The following RGL1 variants were observed in gnomAD, a reference collection of about 807,000 sequenced individuals.
RGL1 encodes ral guanine nucleotide dissociation stimulator like 1.
RGL1 carries 24 observed loss-of-function variants against 95.2 expected under a neutral mutation model. The ratio of observed to expected loss-of-function variants is 0.25; its 90% CI spans 0.18 to 0.35. The LOEUF (loss-of-function observed/expected upper bound fraction) is 0.35, where lower values mean the gene tolerates loss of function less well. Ranked by LOEUF, RGL1 falls within the 10% of genes least tolerant of loss-of-function variation. The probability of loss-of-function intolerance (pLI) is 1.00; values close to 1 mark genes in which losing one functional copy is unlikely to be tolerated. For synonymous variants in RGL1, 329 were observed against 344.9 expected, an observed-to-expected ratio of 0.95 and a Z score of 0.51; for missense variants, 715 against 936.3, an observed-to-expected ratio of 0.76 and a Z score of 3.08.
chr1:183,794,242 T>C (rs917705825), intron 2 of RGL1, among the ~76,000 whole-genome samples: 3 of 152,098 alleles, frequency 2.0e-5, no homozygotes, highest in African/African-American at 4.8e-5. Context: ...AAAAAGTTAA[T>C]CTCATGGAAA....
chr1:183,710,875 G>T (rs1461378837), intron 1 of RGL1, among the ~76,000 whole-genome samples: 2 of 152,306 alleles, frequency 1.3e-5, no homozygotes, highest in East Asian at 3.9e-4. Flanking sequence ...AGTGGAAGTG[G>T]ATAACTAGAA....
chr1:183,813,605 G>A (rs989045806), intron 2 of RGL1, among the ~76,000 whole-genome samples: 1 of 152,146 alleles, frequency 6.6e-6, no homozygotes, highest in Non-Finnish European at 1.5e-5. Flanking sequence ...GGAACCTGCA[G>A]GACTATGATT....
At chr1:183,661,124 A>C (rs1181210594) in intron 1 of RGL1, among the ~76,000 whole-genome samples, 1 of 152,192 alleles carries the variant, frequency 6.6e-6, no homozygotes, top group African/African-American at 2.4e-5. Context: ...CAAAATTGAC[A>C]CCCTAACATC....
intron 1 of RGL1, among the ~76,000 whole-genome samples, chr1:183,638,263 G>C (rs1208362370): frequency 6.6e-6 from 1 of 152,124 alleles, no homozygotes. Context: ...TGCTCTATAT[G>C]TTTAATGTGT....
chr1:183,876,304 A>C (rs1400837555), intron 4 of RGL1, among the ~76,000 whole-genome samples: 1 of 152,282 alleles, frequency 6.6e-6, no homozygotes, highest in Non-Finnish European at 1.5e-5. Context: ...GTGACATCTG[A>C]GCATGTCTTC....
At chr1:183,868,288 T>G (rs1665958323) in intron 4 of RGL1, among the ~76,000 whole-genome samples, 1 of 152,224 alleles carries the variant, frequency 6.6e-6, no homozygotes, top group Non-Finnish European at 1.5e-5. Flanking sequence ...ACTTACTTCA[T>G]GAAGGGCATT....
chr1:183,842,068 A>G (rs1353114574), intron 2 of RGL1, among the ~76,000 whole-genome samples: 2 of 152,178 alleles, frequency 1.3e-5, no homozygotes, highest in East Asian at 3.8e-4. Flanking sequence ...GGGCATATGA[A>G]AAGGAAGCAT....
At chr1:183,888,086 A>G (rs1005092528) in intron 7 of RGL1, among the ~76,000 whole-genome samples, 5 of 152,174 alleles carry the variant, frequency 3.3e-5, no homozygotes, top group Admixed American at 1.3e-4. Flanking sequence ...TGCCCAGCTC[A>G]TTTTGGGATC....
chr1:183,886,467 A>G (rs1667116976), intron 7 of RGL1, among the ~76,000 whole-genome samples: 2 of 152,178 alleles, frequency 1.3e-5, no homozygotes, highest in Admixed American at 1.3e-4. Flanking sequence ...AATTCATTCA[A>G]CTACTTTGGC....
intron 1 of RGL1, among the ~76,000 whole-genome samples, chr1:183,686,659 T>A (rs979663016): frequency 6.6e-6 from 1 of 152,186 alleles, no homozygotes. Context: ...TTAGCTAACA[T>A]GTGACTAGCC....
intron 2 of RGL1, among the ~76,000 whole-genome samples, chr1:183,794,602 A>G (rs747752372): frequency 1.3e-5 from 2 of 152,222 alleles, no homozygotes; most frequent in Non-Finnish European, 2.9e-5. Flanking sequence ...ATCTTTTAAG[A>G]AAATTTTTTA....
At chr1:183,703,674 C>T (rs1038277807) in intron 1 of RGL1, among the ~76,000 whole-genome samples, 13 of 152,172 alleles carry the variant, frequency 8.5e-5, no homozygotes, top group African/African-American at 3.1e-4. Context: ...GAACTACCCA[C>T]CTGGAGAAAG....
intron 2 of RGL1, among the ~76,000 whole-genome samples, chr1:183,818,561 A>G (rs1490008065): frequency 1.3e-5 from 2 of 150,750 alleles, no homozygotes; most frequent in African/African-American, 2.4e-5. Context: ...ACTTTACCAA[A>G]AGCTGTATTA....
At chr1:183,695,008 G>A (rs1654171289) in intron 1 of RGL1, among the ~76,000 whole-genome samples, 2 of 152,224 alleles carry the variant, frequency 1.3e-5, no homozygotes, top group South Asian at 2.1e-4. Flanking sequence ...AAGCAAAGGA[G>A]TCCACAGAAT....
At chr1:183,846,564 T>TC (rs1664454214) in intron 2 of RGL1, among the ~76,000 whole-genome samples, 1 of 149,846 alleles carries the variant, frequency 6.7e-6, no homozygotes, top group African/African-American at 2.5e-5. Context: ...AATAAAAAAC[T>TC]CCAACAACAA....
At chr1:183,773,183 C>T (rs1440051561) in intron 2 of RGL1, among the ~76,000 whole-genome samples, 2 of 152,098 alleles carry the variant, frequency 1.3e-5, no homozygotes, top group African/African-American at 4.8e-5. Context: ...GTGCCCTTAT[C>T]ATTTTTTTCC....
intron 4 of RGL1, among the ~76,000 whole-genome samples, chr1:183,872,662 T>G (rs10797917): frequency 0.63 from 96,557 of 152,156 alleles, 33,045 homozygotes; most frequent in East Asian, 0.88. Context: ...GGATACACTT[T>G]AAAGAGAAAG....
At chr1:183,921,713 A>G (rs1194962197) in intron 16 of RGL1, among the ~76,000 whole-genome samples, 1 of 152,174 alleles carries the variant, frequency 6.6e-6, no homozygotes, top group Non-Finnish European at 1.5e-5. Flanking sequence ...TTGTGGACGT[A>G]TGTTTTTATT....
intron 2 of RGL1, among the ~76,000 whole-genome samples, chr1:183,787,058 C>T (rs549857286): frequency 6.6e-6 from 1 of 152,328 alleles, no homozygotes; most frequent in Admixed American, 6.5e-5. Flanking sequence ...CATCCTAGCA[C>T]AGAGGAACGT....
Sources: gnomAD v4.1 joint callset for allele counts (sites outside exome capture counted in the v4.1 genomes callset) on GRCh38, gnomAD v4.1.1 for gene constraint, MANE v1.5 for transcripts, NCBI Gene and HGNC (gene_info 2026-07-23, HGNC 2026-07-21) for gene names.